Variants in SHISA6 observed in about 807,000 individuals in gnomAD.
The protein encoded by SHISA6 is protein shisa-6.
SHISA6 carries 22 observed loss-of-function variants against 47.9 expected under a neutral mutation model. The observed-to-expected ratio is 0.46, with a 90% CI of 0.33 to 0.66. SHISA6 has a LOEUF of 0.66. Among genes scored for constraint, SHISA6 ranks in the 30% least tolerant of loss-of-function variants. The probability of loss-of-function intolerance (pLI) is 0.02; values close to 1 mark genes in which losing one functional copy is unlikely to be tolerated. For synonymous variants in SHISA6, 388 were observed against 337.8 expected, an observed-to-expected ratio of 1.15 and a Z score of -1.63; for missense variants, 680 against 764.6, an observed-to-expected ratio of 0.89 and a Z score of 1.30.
intron 2 of SHISA6, among the ~76,000 whole-genome samples, chr17:11,359,955 C>T (rs1428181216): frequency 1.3e-5 from 2 of 152,194 alleles, no homozygotes; most frequent in African/African-American, 4.8e-5. Context: ...ACCCAGCAAT[C>T]CCATTACTGG....
At chr17:11,540,155 C>A (rs1328236333) in intron 3 of SHISA6, among the ~76,000 whole-genome samples, 1 of 152,206 alleles carries the variant, frequency 6.6e-6, no homozygotes, top group Non-Finnish European at 1.5e-5. Flanking sequence ...ACTAACGTAG[C>A]ATTTGTCAAA....
intron 3 of SHISA6, among the ~76,000 whole-genome samples, chr17:11,515,518 G>C (rs1282823994): frequency 2.0e-5 from 3 of 151,854 alleles, no homozygotes; most frequent in Admixed American, 6.6e-5. Flanking sequence ...CAGGAGATGG[G>C]GAGAAAAGAA....
chr17:11,275,687 A>G (rs1317735022), intron 2 of SHISA6, among the ~76,000 whole-genome samples: 2 of 152,212 alleles, frequency 1.3e-5, no homozygotes, highest in African/African-American at 4.8e-5. Context: ...GCCGAGACCC[A>G]AATGACTGAG....
intron 2 of SHISA6, chr17:11,288,999 A>G (rs1909425085): frequency 2.0e-5 from 3 of 152,162 alleles, no homozygotes; most frequent in African/African-American, 7.2e-5. Context: ...GAGGAGTAAC[A>G]AACATGGTAA....
chr17:11,302,308 C>T (rs575554532), intron 2 of SHISA6, among the ~76,000 whole-genome samples: 1 of 152,128 alleles, frequency 6.6e-6, no homozygotes, highest in Admixed American at 6.5e-5. Context: ...GTGAAATAGA[C>T]CACAAAATGT....
intron 1 of SHISA6, among the ~76,000 whole-genome samples, chr17:11,244,246 CCT>C (rs1166961093): frequency 6.6e-6 from 1 of 152,154 alleles, no homozygotes; most frequent in African/African-American, 2.4e-5. Context: ...CAGTTCACAG[CCT>C]CTCTTCCAGC....
At chr17:11,543,428 T>C (rs2071850915) in intron 3 of SHISA6, among the ~76,000 whole-genome samples, 2 of 152,140 alleles carry the variant, frequency 1.3e-5, no homozygotes, top group African/African-American at 4.8e-5. Context: ...AAGAAAACAA[T>C]TTTTAAAGTA....
intron 3 of SHISA6, among the ~76,000 whole-genome samples, chr17:11,526,552 C>G (rs2071683496): frequency 6.6e-6 from 1 of 152,112 alleles, no homozygotes; most frequent in Non-Finnish European, 1.5e-5. Flanking sequence ...CAGCCACATG[C>G]CCACACTCTG....
At chr17:11,277,264 TCTCTCTCTCTCTCTCTCACACACA>T in intron 2 of SHISA6, among the ~76,000 whole-genome samples, 1 of 107,386 alleles carries the variant, frequency 9.3e-6, no homozygotes, top group African/African-American at 3.8e-5. Flanking sequence ...TCTCTCTCTC[TCTCTCTCTCTCTCTCTCACACACA>T]CACACACACA....
At chr17:11,420,369 G>A (rs1292613114) in intron 3 of SHISA6, among the ~76,000 whole-genome samples, 2 of 152,146 alleles carry the variant, frequency 1.3e-5, no homozygotes, top group African/African-American at 4.8e-5. Flanking sequence ...TTATGTGGAG[G>A]ATGAAATAAG....
chr17:11,315,499 G>A (rs1910479275), intron 2 of SHISA6, among the ~76,000 whole-genome samples: 1 of 151,876 alleles, frequency 6.6e-6, no homozygotes, highest in East Asian at 1.9e-4. Flanking sequence ...ATCCCTTATA[G>A]AAATGTCTTC....
intron 3 of SHISA6, among the ~76,000 whole-genome samples, chr17:11,408,229 T>C (rs1450547860): frequency 6.6e-6 from 1 of 152,100 alleles, no homozygotes; most frequent in African/African-American, 2.4e-5. Context: ...GGGAAACTAT[T>C]AGAATGTAAT....
intron 2 of SHISA6, among the ~76,000 whole-genome samples, chr17:11,286,433 G>T (rs1032630313): frequency 2.0e-5 from 3 of 152,094 alleles, no homozygotes; most frequent in Non-Finnish European, 4.4e-5. Context: ...CCTCTGGGAA[G>T]CCCTCTGTGG....
At chr17:11,428,780 T>C (rs1475071439) in intron 3 of SHISA6, among the ~76,000 whole-genome samples, 1 of 81,550 alleles carries the variant, frequency 1.2e-5, no homozygotes, top group Non-Finnish European at 2.4e-5. Context: ...ATCCACTTTC[T>C]TTTTTTTTTT....
intron 1 of SHISA6, 47 bp downstream of exon 1, chr17:11,242,107 C>A: frequency 6.5e-7 from 1 of 1,545,854 alleles, no homozygotes; most frequent in Non-Finnish European, 8.7e-7. Flanking sequence ...GCGGCCTCAC[C>A]CTCTCAGCTT....
chr17:11,472,360 C>T (rs772834668), intron 3 of SHISA6, among the ~76,000 whole-genome samples: 3 of 152,256 alleles, frequency 2.0e-5, no homozygotes, highest in Non-Finnish European at 4.4e-5. Context: ...CCACACCTGG[C>T]TAATTTTCTT....
chr17:11,376,449 C>T (rs1332844173), intron 2 of SHISA6, among the ~76,000 whole-genome samples: 1 of 152,002 alleles, frequency 6.6e-6, no homozygotes, highest in Admixed American at 6.5e-5. Flanking sequence ...CTCAGCTTCC[C>T]GAGTAGCTGG....
intron 2 of SHISA6, among the ~76,000 whole-genome samples, chr17:11,352,223 A>C (rs1911912972): frequency 6.6e-6 from 1 of 152,156 alleles, no homozygotes; most frequent in Non-Finnish European, 1.5e-5. Context: ...GAAAAAGCAA[A>C]GGAATCCCAT....
chr17:11,445,142 G>A (rs34250950), intron 3 of SHISA6, among the ~76,000 whole-genome samples: 252 of 152,138 alleles, frequency 1.7e-3, no homozygotes, highest in African/African-American at 5.5e-3. Flanking sequence ...CGTTTTTCCC[G>A]GTGGTAGACA....
Sources: allele counts gnomAD v4.1 joint callset (sites outside exome capture counted in the v4.1 genomes callset), GRCh38; gene constraint gnomAD v4.1.1; transcripts MANE v1.5; gene names NCBI Gene and HGNC (gene_info 2026-07-23, HGNC 2026-07-21).